The following MMP16 variants were observed in gnomAD, a reference collection of about 807,000 sequenced individuals.
MMP16 encodes the protein matrix metallopeptidase 16.
MMP16 carries 12 observed loss-of-function variants against 67.8 expected under a neutral mutation model. The ratio of observed to expected loss-of-function variants is 0.18; its 90% CI spans 0.11 to 0.29. MMP16 has a LOEUF of 0.29. MMP16 is among the 10% of genes least tolerant of loss of function. The pLI is 1.00. For synonymous variants in MMP16, 249 were observed against 255.9 expected, an observed-to-expected ratio of 0.97 and a Z score of 0.26; for missense variants, 475 against 765.7, an observed-to-expected ratio of 0.62 and a Z score of 4.48.
At chr8:88,305,807 T>C (rs967133040) in intron 1 of MMP16, among the ~76,000 whole-genome samples, 7 of 152,158 alleles carry the variant, frequency 4.6e-5, no homozygotes, top group African/African-American at 1.2e-4. Context: ...GGGAAATTTA[T>C]AGCACTAAAT....
chr8:88,146,397 C>T (rs16879000), intron 4 of MMP16, among the ~76,000 whole-genome samples: 12,536 of 151,960 alleles, frequency 0.082, 558 homozygotes, highest in African/African-American at 0.12. Context: ...ACTCTTCTAC[C>T]TCCCTCAAAA....
chr8:88,153,373 T>C (rs1214221052), intron 4 of MMP16, among the ~76,000 whole-genome samples: 1 of 151,996 alleles, frequency 6.6e-6, no homozygotes, highest in African/African-American at 2.4e-5. Context: ...TACTTTAAAG[T>C]TCATATGGAA....
Position 88,150,977 on chromosome 8 carries a change from G to A in MMP16, c.709+16692C>T, listed in dbSNP as rs1323563447. On this transcript the variant is annotated intron_variant, in intron 4 of 9. Transcript: ENST00000286614. ...TGTATTCAGGAAACCCATCTCACGT[G>A]CAGAGACACACATAGGTTCAAAATA... Among the ~76,000 whole-genome samples, 6 of 141,554 alleles carry A rather than the reference G, an allele frequency of 4.2e-5. No individual in the cohort carries two copies. The East Asian group carries it at 1.3e-3, about 30-fold the overall frequency. 92.9% of individuals were successfully genotyped at this position (141,554 alleles called of 152,430 possible). A position where few individuals can be genotyped will look rare whatever the true frequency, so the allele number is the denominator to read the frequency against.
chr8:88,080,725 C>T (rs1392387901), intron 6 of MMP16, among the ~76,000 whole-genome samples: 4 of 152,106 alleles, frequency 2.6e-5, no homozygotes, highest in African/African-American at 4.8e-5. Flanking sequence ...CGTGAGCCAC[C>T]GCGCCTGGCC....
intron 1 of MMP16, among the ~76,000 whole-genome samples, chr8:88,209,851 C>T (rs1809486216): frequency 1.3e-5 from 2 of 152,092 alleles, no homozygotes; most frequent in Admixed American, 1.3e-4. Flanking sequence ...TTTGTTTATC[C>T]ATTCATCTCT....
rs117587111 is a variant in MMP16, at chr8:88,125,929, C to T, written c.710-7068G>A. ...GCTAGTGCAAAAGAGATCAACTTCACTGACTGCTTTAAAAAAAAGTAATCA... is the reference window on the plus strand; with the variant it reads ...GCTAGTGCAAAAGAGATCAACTTCATTGACTGCTTTAAAAAAAAGTAATCA... On this transcript the variant is annotated intron_variant, in intron 4 of 9. Coordinates refer to ENST00000286614, the MANE Select transcript of MMP16 (RefSeq NM_005941.5). 9.9e-4 allele frequency among the ~76,000 whole-genome samples: 151 copies of T among 151,944 alleles called. 1 individual carries two copies. The East Asian group carries it at 0.02, about 20-fold the overall frequency.
intron 3 of MMP16, among the ~76,000 whole-genome samples, chr8:88,180,735 AAAAAAG>A (rs1808966610): frequency 6.6e-6 from 1 of 152,154 alleles, no homozygotes; most frequent in Non-Finnish European, 1.5e-5. Context: ...AAAGATACAA[AAAAAAG>A]AAAAACTATG....
At position 88,228,429 on chromosome 8, in the gene MMP16, TC is replaced by T. The variant is rs1342540134; in HGVS notation, c.133-31124del. The stretch of plus-strand genomic sequence containing the variant: ...AGCCATCAAAGTGATTTTTATAAAC[TC>T]TAATGACAAGGTAAAATGCTTATGT... On this transcript the variant is annotated intron_variant, in intron 1 of 9. Transcript: ENST00000286614. Among the ~76,000 whole-genome samples the T allele has an allele frequency of 5.3e-5, 8 of 152,178 alleles. No individual in the cohort carries two copies. The East Asian group carries it at 1.4e-3, about 26-fold the overall frequency.
chr8:88,149,118 G>A (rs1261518798), intron 4 of MMP16, among the ~76,000 whole-genome samples: 3 of 152,194 alleles, frequency 2.0e-5, no homozygotes, highest in East Asian at 1.9e-4. Flanking sequence ...CTGGAAAATC[G>A]GGTCACTCCC....
At chr8:88,284,006 G>A (rs959707374) in intron 1 of MMP16, among the ~76,000 whole-genome samples, 2 of 152,202 alleles carry the variant, frequency 1.3e-5, no homozygotes, top group Non-Finnish European at 2.9e-5. Flanking sequence ...TTAACAATGA[G>A]TCCTTGACCT....
chr8:88,213,072 T>C (rs1226855633), intron 1 of MMP16, among the ~76,000 whole-genome samples: 2 of 152,158 alleles, frequency 1.3e-5, no homozygotes, highest in Non-Finnish European at 2.9e-5. Flanking sequence ...TAACATGTTA[T>C]CTGACAAAAT....
chr8:88,151,730 T>G (rs1488756913), intron 4 of MMP16, among the ~76,000 whole-genome samples: 3 of 151,598 alleles, frequency 2.0e-5, no homozygotes, highest in African/African-American at 7.3e-5. Flanking sequence ...AGAGGGAAAT[T>G]TATAGCACTG....
At chr8:88,086,955 A>C (rs1292642344) in intron 6 of MMP16, among the ~76,000 whole-genome samples, 3 of 151,916 alleles carry the variant, frequency 2.0e-5, no homozygotes, top group Non-Finnish European at 4.4e-5. Flanking sequence ...TGAATGTTCA[A>C]AGATAGGGAG....
At chr8:88,268,704 A>G (rs1057237307) in intron 1 of MMP16, among the ~76,000 whole-genome samples, 1 of 152,208 alleles carries the variant, frequency 6.6e-6, no homozygotes, top group Non-Finnish European at 1.5e-5. Flanking sequence ...TTTTAAGCAA[A>G]GGTTTTGATT....
intron 1 of MMP16, among the ~76,000 whole-genome samples, chr8:88,252,343 T>G (rs546751867): frequency 6.6e-6 from 1 of 152,116 alleles, no homozygotes; most frequent in Admixed American, 6.6e-5. Flanking sequence ...TAGCTCATCA[T>G]GCTCATTATC....
At chr8:88,224,069 A>G (rs764277469) in intron 1 of MMP16, among the ~76,000 whole-genome samples, 23 of 151,894 alleles carry the variant, frequency 1.5e-4, no homozygotes, top group Non-Finnish European at 2.6e-4. Flanking sequence ...ATTAGGTTGC[A>G]TTGTAGGGGC....
chr8:88,155,129 G>T (rs964084149), intron 4 of MMP16, among the ~76,000 whole-genome samples: 1 of 151,900 alleles, frequency 6.6e-6, no homozygotes, highest in African/African-American at 2.4e-5. Context: ...TGAATGTTTG[G>T]TCCAAATTTT....
At position 88,034,238 on chromosome 8, in the gene MMP16, TAAA is replaced by T. The variant is rs34562051; in HGVS notation, c.*7220_*7222del. The T allele has an allele frequency of 0.024, 2,801 of 117,362 alleles. 38 individuals are homozygous for T. Among genetic ancestry groups the T allele is most frequent in the Middle Eastern group, 0.078 (17 of 218 alleles). The allele number at this position is 117,362 out of a possible 1,614,324, so 7.3% of individuals were successfully genotyped here. A position where few individuals can be genotyped will look rare whatever the true frequency, so the allele number is the denominator to read the frequency against. ...AAGGGAAGGGAAAACCAAATCTGTG[TAAA>T]AAAAAAAAAAAAAGGCAAGATAGGA... On this transcript the variant is annotated 3_prime_UTR_variant, in exon 10 of 10. Coordinates refer to ENST00000286614, the MANE Select transcript of MMP16 (RefSeq NM_005941.5).
At chr8:88,232,066 C>T (rs899501189) in intron 1 of MMP16, among the ~76,000 whole-genome samples, 4 of 152,024 alleles carry the variant, frequency 2.6e-5, no homozygotes, top group Non-Finnish European at 5.9e-5. Flanking sequence ...GGGAGGCAAT[C>T]GAGAGGTTAT....
Sources: gnomAD v4.1 joint callset for allele counts (sites outside exome capture counted in the v4.1 genomes callset) on GRCh38, gnomAD v4.1.1 for gene constraint, MANE v1.5 for transcripts, NCBI Gene and HGNC (gene_info 2026-07-23, HGNC 2026-07-21) for gene names.